The following SERPINA5 variants were observed in gnomAD, a reference collection of about 807,000 sequenced individuals.
The protein encoded by SERPINA5 is plasma serine protease inhibitor.
A neutral mutation model predicts 25.3 loss-of-function variants in SERPINA5; 25 were observed. That is an observed-to-expected ratio of 0.99 (90% CI 0.72 to 1.38). The LOEUF (loss-of-function observed/expected upper bound fraction) is 1.38, where lower values mean the gene tolerates loss of function less well. Ranked by LOEUF, SERPINA5 falls within the 40% of genes most tolerant of loss-of-function variation. The pLI is 0.00. For missense variants in SERPINA5, 599 were observed against 509.5 expected (o/e 1.18, Z -1.69); for synonymous variants, 234 against 206.2 (o/e 1.14, Z -1.16).
chr14:94,590,581 T>A, intron 4 of SERPINA5, 168 bp from the exon 5 acceptor site: 1 of 867,638 alleles, frequency 1.2e-6, no homozygotes. Context: ...GGGAGGCTCA[T>A]CCTAGAAAAG....
rs1885146370 is a variant in SERPINA5 at position 94,587,798 on chromosome 14, G to GT, written c.437dup (p.Ser147LysfsTer17). 1.2e-6 allele frequency: 2 copies of GT among 1,614,088 alleles called. No homozygotes were observed. The highest frequency in any genetic ancestry group is 1.1e-5 in the South Asian group (1 of 91,088). ...GGTGGTAGACCTGCAGGACACCTTC[G>GT]TAAGTGCCATGAAGACGCTGTACCT... On this transcript the variant is annotated frameshift_variant, in exon 3 of 6. Transcript: ENST00000329597. LOFTEE classifies it high-confidence loss of function.
In SERPINA5 at chr14:94,587,662, G is replaced by A. The variant is rs1410501207; in HGVS notation, c.300G>A (p.Gln100=). Reference sequence around the variant, plus strand: ...TGGAGGGCCTGGGCCTCAACCTCCAGAAAAGCTCAGAGAAGGAGCTGCACA... The same window carrying A: ...TGGAGGGCCTGGGCCTCAACCTCCAAAAAAGCTCAGAGAAGGAGCTGCACA... ...QILEGLGLNL[Q]KSSEKELHRG... The change falls in exon 3 of 6, where the codon CAG becomes CAA. Residue 100 remains glutamine, a synonymous_variant. Coordinates refer to ENST00000329597, the MANE Select transcript of SERPINA5 (RefSeq NM_000624.6). 6.2e-7 allele frequency: 1 copy of A among 1,614,038 alleles called. No homozygotes were observed. The highest frequency in any genetic ancestry group is 8.5e-7 in the Non-Finnish European group (1 of 1,179,966).
At position 94,592,829 on chromosome 14, in the gene SERPINA5, A is replaced by G. The variant is rs1885348396; in HGVS notation, c.*590A>G. On this transcript the variant is annotated 3_prime_UTR_variant, in exon 6 of 6. Transcript: ENST00000329597. ...ATCAGATTCTTGCTGTGACCCAAGA[A>G]CTCCTGAAATCATATAGAAAGGCTG... The G allele has an allele frequency of 6.6e-6, 1 of 152,010 alleles. No homozygotes were observed. Among genetic ancestry groups the G allele is most frequent in the South Asian group, 2.1e-4 (1 of 4,814 alleles). The allele number at this position is 152,010 out of a possible 1,614,324, so 9.4% of individuals were successfully genotyped here.
rs754415327 is a variant in SERPINA5, at chr14:94,592,088, A to G, written c.1070A>G (p.Glu357Gly). 6.2e-7 allele frequency: 1 copy of G among 1,613,868 alleles called. No homozygotes were observed. The highest frequency in any genetic ancestry group is 1.7e-5 in the Admixed American group (1 of 60,026). The part of the protein sequence containing the change: ...MVHKAVVEVD[E>G]SGTRAAAATG... ...CACAAAGCTGTGGTGGAGGTGGACG[A>G]GTCGGGAACCAGAGCAGCGGCAGCC... Residue 357 changes from glutamate (E) to glycine (G), a missense_variant, in exon 6 of 6, where the codon GAG becomes GGG. Transcript: ENST00000329597.
intron 3 of SERPINA5, among the ~76,000 whole-genome samples, chr14:94,589,169 A>G (rs908454707): frequency 6.6e-6 from 1 of 152,226 alleles, no homozygotes; most frequent in African/African-American, 2.4e-5. Flanking sequence ...GAAACAGGCC[A>G]GGCATGGTGG....
At chr14:94,590,984 C>G in intron 5 of SERPINA5, 88 bp downstream of exon 5, 1 of 1,354,048 alleles carries the variant, frequency 7.4e-7, no homozygotes. Context: ...TCATTCCATT[C>G]CATTCCACTC....
At chr14:94,589,944 T>A in intron 3 of SERPINA5, 97 bp from the exon 4 acceptor site, 1 of 1,234,478 alleles carries the variant, frequency 8.1e-7, no homozygotes, top group Non-Finnish European at 1.1e-6. Context: ...TGGTCTCCGC[T>A]GGCTATCTTT....
Position 94,592,023 on chromosome 14 carries a change from A to C in SERPINA5, c.1039-34A>C, listed in dbSNP as rs6109. Reference sequence around the variant, plus strand: ...TGCTATGATGACTTCACCTGCCCCTAGTGGCCTGGTGATGCCTGGTGTCTC... The same window carrying C: ...TGCTATGATGACTTCACCTGCCCCTCGTGGCCTGGTGATGCCTGGTGTCTC... On this transcript the variant is annotated intron_variant, in intron 5 of 5. Coordinates refer to ENST00000329597, the MANE Select transcript of SERPINA5 (RefSeq NM_000624.6). 3.1e-6 allele frequency: 5 copies of C among 1,592,032 alleles called. No homozygotes were observed. The African/African-American group carries it at 6.7e-5, about 21-fold the overall frequency.
intron 3 of SERPINA5, among the ~76,000 whole-genome samples, chr14:94,589,479 AAG>A (rs2139929671): frequency 6.6e-6 from 1 of 152,164 alleles, no homozygotes; most frequent in East Asian, 1.9e-4. Context: ...AAAAGAAAAA[AAG>A]AAATAAAATA....
At position 94,587,832 on chromosome 14, in the gene SERPINA5, C is replaced by A; in HGVS notation, c.470C>A (p.Thr157Asn). 2 of 1,613,976 alleles carry A rather than the reference C, an allele frequency of 1.2e-6. No individual in the cohort carries two copies. The highest frequency in any genetic ancestry group is 1.3e-5 in the African/African-American group (1 of 75,060). The part of the protein sequence containing the change: ...SAMKTLYLAD[T>N]FPTNFRDSAG... Reference sequence around the variant, plus strand: ...ATGAAGACGCTGTACCTGGCAGACACTTTCCCTACCAACTTTAGGGACTCT... The same window carrying A: ...ATGAAGACGCTGTACCTGGCAGACAATTTCCCTACCAACTTTAGGGACTCT... The change falls in exon 3 of 6, where the codon ACT (threonine) becomes AAT (asparagine). Residue 157 changes from threonine (T) to asparagine (N), a missense_variant. By Grantham distance (65) the Thr-to-Asn change is moderately conservative. Transcript: ENST00000329597.
rs141881639 is a variant in SERPINA5 at position 94,590,134 on chromosome 14, G to A, written c.713G>A (p.Arg238His). 5.9e-4 allele frequency: 952 copies of A among 1,614,076 alleles called. 1 individual carries two copies. Among genetic ancestry groups the A allele is most frequent in the Non-Finnish European group, 7.4e-4 (874 of 1,179,982 alleles). The change falls in exon 4 of 6, where the codon CGC (arginine) becomes CAC (histidine). Residue 238 changes from arginine (R) to histidine (H), a missense_variant. By Grantham distance (29) the Arg-to-His change is conservative. Transcript: ENST00000329597. ...ETVVRVPMMS[R>H]EDQYHYLLDR... ...GTGGTGCGGGTACCCATGATGAGCC[G>A]CGAGGATCAGTATCACTACCTCCTG...
chr14:94,592,415 G>T lies in SERPINA5; in HGVS notation c.*176G>T. ...CCACCCACACGACTGCAACATACAG[G>T]TGCCTTGGGGAAATGTGGAGAACAT... On this transcript the variant is annotated 3_prime_UTR_variant, in exon 6 of 6. Transcript: ENST00000329597. 1 of 613,126 alleles carries T rather than the reference G, an allele frequency of 1.6e-6. No homozygotes were observed. The highest frequency in any genetic ancestry group is 2.4e-5 in the South Asian group (1 of 42,164). 38.0% of individuals were successfully genotyped at this position (613,126 alleles called of 1,614,324 possible). A position where few individuals can be genotyped will look rare whatever the true frequency, so the allele number is the denominator to read the frequency against.
At position 94,590,183 on chromosome 14, in the gene SERPINA5, G is replaced by T. The variant is rs774979996; in HGVS notation, c.762G>T (p.Val254=). The T allele has an allele frequency of 2.5e-6, 4 of 1,614,128 alleles. No homozygotes were observed. The highest frequency in any genetic ancestry group is 3.4e-6 in the Non-Finnish European group (4 of 1,180,010). The change falls in exon 4 of 6, where the codon GTG becomes GTT. Residue 254 remains valine (V), a synonymous_variant. Transcript: ENST00000329597. ...TGGACCGGAACCTCTCCTGCAGGGT[G>T]GTGGGGGTCCCCTACCAAGGCAATG... The part of the protein sequence containing the change: ...YLLDRNLSCR[V]VGVPYQGNAT...
intron 3 of SERPINA5, among the ~76,000 whole-genome samples, chr14:94,589,078 AC>A (rs1347435193): frequency 6.6e-6 from 1 of 152,150 alleles, no homozygotes; most frequent in Admixed American, 6.5e-5. Context: ...TCCCCATTAC[AC>A]CAGATTGCTG....
rs372269586 is a variant in SERPINA5, at chr14:94,584,563, C to T, written c.-17-2783C>T. The stretch of plus-strand genomic sequence containing the variant: ...TCTAGTGCTTGGCAGGGGGCGGGGT[C>T]TTGAGGGGGTGTCCACAACACATGG... On this transcript the variant is annotated intron_variant, in intron 2 of 5. Coordinates refer to ENST00000329597, the MANE Select transcript of SERPINA5 (RefSeq NM_000624.6). Among the ~76,000 whole-genome samples, 17 of 152,044 alleles carry T rather than the reference C, an allele frequency of 1.1e-4. 1 individual carries two copies. The South Asian group carries it at 3.5e-3, about 32-fold the overall frequency.
intron 5 of SERPINA5, 41 bp downstream of exon 5, chr14:94,590,937 A>C: frequency 1.3e-6 from 2 of 1,554,574 alleles, no homozygotes; most frequent in Non-Finnish European, 1.7e-6. Flanking sequence ...CCCAAGGTCT[A>C]TTCTGTTCTA....
Position 94,592,042 on chromosome 14 carries a change from G to A in SERPINA5, c.1039-15G>A. On this transcript the variant is annotated splice_polypyrimidine_tract_variant and intron_variant, in intron 5 of 5. Coordinates refer to ENST00000329597, the MANE Select transcript of SERPINA5 (RefSeq NM_000624.6). Reference sequence around the variant, plus strand: ...GCCCCTAGTGGCCTGGTGATGCCTGGTGTCTCCCCTGCAGATGGTGCACAA... The same window carrying A: ...GCCCCTAGTGGCCTGGTGATGCCTGATGTCTCCCCTGCAGATGGTGCACAA... 1 of 1,607,152 alleles carries A rather than the reference G, an allele frequency of 6.2e-7. No individual in the cohort carries two copies. Among genetic ancestry groups the A allele is most frequent in the Non-Finnish European group, 8.5e-7 (1 of 1,176,222 alleles).
At chr14:94,586,742 G>T (rs1260404573) in intron 2 of SERPINA5, 2 of 152,306 alleles carry the variant, frequency 1.3e-5, no homozygotes, top group Non-Finnish European at 2.9e-5. Context: ...TGGGACAAGG[G>T]TGGCATGGAG....
chr14:94,584,674 G>T (rs1220085680), intron 2 of SERPINA5, among the ~76,000 whole-genome samples: 1 of 152,130 alleles, frequency 6.6e-6, no homozygotes, highest in Non-Finnish European at 1.5e-5. Flanking sequence ...GAGAATGGAG[G>T]CCAGGGCCTC....
Sources: allele counts gnomAD v4.1 joint callset (sites outside exome capture counted in the v4.1 genomes callset), GRCh38; gene constraint gnomAD v4.1.1; transcripts MANE v1.5; gene names NCBI Gene and HGNC (gene_info 2026-07-23, HGNC 2026-07-21).